Variants in DGKB observed in about 807,000 individuals in gnomAD.
DGKB encodes the protein diacylglycerol kinase beta.
Under a neutral mutation model 114.3 loss-of-function variants are expected in DGKB, and 67 were observed. The ratio of observed to expected loss-of-function variants is 0.59; its 90% confidence interval spans 0.48 to 0.72. The LOEUF (loss-of-function observed/expected upper bound fraction) is 0.72, where lower values mean the gene tolerates loss of function less well. DGKB is among the 30% of genes least tolerant of loss of function. The pLI is 0.00. For synonymous variants in DGKB, 398 were observed against 323.1 expected, an observed-to-expected ratio of 1.23 and a Z score of -2.49; for missense variants, 907 against 975.2, an observed-to-expected ratio of 0.93 and a Z score of 0.93.
chr7:14,617,057 A>G (rs1251862863), intron 15 of DGKB, among the ~76,000 whole-genome samples: 2 of 151,630 alleles, frequency 1.3e-5, no homozygotes, highest in African/African-American at 2.4e-5. Flanking sequence ...TTAGAGTTAG[A>G]CTGGTTTTGG....
intron 1 of DGKB, among the ~76,000 whole-genome samples, chr7:14,857,700 A>T (rs1990380): frequency 0.12 from 18,101 of 151,818 alleles, 2,109 homozygotes; most frequent in African/African-American, 0.29. Flanking sequence ...CCATGTTTCT[A>T]TTGGGATGCT....
At chr7:14,536,635 C>G (rs991584951) in intron 20 of DGKB, among the ~76,000 whole-genome samples, 2 of 152,092 alleles carry the variant, frequency 1.3e-5, no homozygotes, top group African/African-American at 4.8e-5. Context: ...CTAAACCACT[C>G]AACAAATTAG....
intron 13 of DGKB, among the ~76,000 whole-genome samples, chr7:14,636,354 C>A (rs1233947723): frequency 6.6e-6 from 1 of 151,662 alleles, no homozygotes; most frequent in Non-Finnish European, 1.5e-5. Flanking sequence ...CATTAGGAAA[C>A]AAGTCTCAAT....
chr7:14,911,354 G>C (rs562910806), intron 1 of DGKB, among the ~76,000 whole-genome samples: 2 of 152,148 alleles, frequency 1.3e-5, no homozygotes, highest in East Asian at 3.9e-4. Context: ...TGGTGTTGGA[G>C]TATAAGTGTT....
intron 21 of DGKB, among the ~76,000 whole-genome samples, chr7:14,438,383 A>G (rs904608074): frequency 6.6e-6 from 1 of 152,146 alleles, no homozygotes; most frequent in Non-Finnish European, 1.5e-5. Context: ...GAATCCACCG[A>G]AAACATTTTG....
intron 19 of DGKB, among the ~76,000 whole-genome samples, chr7:14,579,228 C>T (rs937610231): frequency 6.6e-6 from 1 of 152,140 alleles, no homozygotes; most frequent in South Asian, 2.1e-4. Context: ...TTTATTTCCT[C>T]ACTGTATATT....
At chr7:14,689,199 A>ATTTTTTTTATTTTTTTTTTT (rs1554599100) in intron 9 of DGKB, among the ~76,000 whole-genome samples, 11 of 76,564 alleles carry the variant, frequency 1.4e-4, no homozygotes, top group East Asian at 7.0e-4. Flanking sequence ...AACTCCTCTT[A>ATTTTTTTTATTTTTTTTTTT]TTTTTTTTTT....
At chr7:14,880,352 G>A (rs1854034725) in intron 1 of DGKB, among the ~76,000 whole-genome samples, 1 of 152,132 alleles carries the variant, frequency 6.6e-6, no homozygotes, top group Admixed American at 6.5e-5. Flanking sequence ...CAGCTACTCG[G>A]GAGGCTGAGG....
chr7:14,314,582 A>G lies in DGKB; in HGVS notation c.2122+23933T>C, dbSNP rs572019874. 8.0e-3 allele frequency among the ~76,000 whole-genome samples: 1,223 copies of G among 152,228 alleles called. 8 individuals are homozygous for G. The highest frequency in any genetic ancestry group is 0.013 in the Non-Finnish European group (891 of 68,022). Reference sequence around the variant, plus strand: ...TGAAGGGAGAAGGAAAGTTTAGAGAAAAAAGAATAAAAAGAAATGAGCAAA... The same window carrying G: ...TGAAGGGAGAAGGAAAGTTTAGAGAGAAAAGAATAAAAAGAAATGAGCAAA... On this transcript the variant is annotated intron_variant, in intron 23 of 25. Transcript: ENST00000402815.
At chr7:14,541,536 T>G (rs2128620054) in intron 20 of DGKB, among the ~76,000 whole-genome samples, 1 of 152,258 alleles carries the variant, frequency 6.6e-6, no homozygotes, top group African/African-American at 2.4e-5. Context: ...AAAAGTTAAT[T>G]TCTCTGTTTA....
Position 14,421,988 on chromosome 7 carries a change from A to G in DGKB, c.1835+56173T>C, listed in dbSNP as rs1348330381. Among the ~76,000 whole-genome samples, 5 of 152,012 alleles carry G rather than the reference A, an allele frequency of 3.3e-5. 1 individual carries two copies. In the East Asian group the frequency reaches 9.6e-4, roughly 29 times the overall value. The stretch of plus-strand genomic sequence containing the variant: ...CACTTCAGGCACTCCTTAGTATCCA[A>G]AAAAGCTATTACAGCCTTCTGGGAA... On this transcript the variant is annotated intron_variant, in intron 21 of 25. Transcript: ENST00000402815.
intron 23 of DGKB, among the ~76,000 whole-genome samples, chr7:14,229,368 T>A (rs952773421): frequency 6.6e-6 from 1 of 152,024 alleles, no homozygotes; most frequent in Admixed American, 6.6e-5. Context: ...GTATAGCATG[T>A]TACTTTACTG....
intron 23 of DGKB, among the ~76,000 whole-genome samples, chr7:14,251,778 G>T (rs2128392116): frequency 6.6e-6 from 1 of 151,974 alleles, no homozygotes; most frequent in East Asian, 1.9e-4. Context: ...CTTCTAGTTG[G>T]TCTGCTTTCT....
intron 23 of DGKB, among the ~76,000 whole-genome samples, chr7:14,215,269 A>G (rs10261339): frequency 0.071 from 10,829 of 152,154 alleles, 1,084 homozygotes; most frequent in African/African-American, 0.22. Context: ...ATAGGCATGC[A>G]TGTGAGTCAA....
intron 21 of DGKB, among the ~76,000 whole-genome samples, chr7:14,404,844 C>A (rs1823686712): frequency 6.6e-6 from 1 of 151,784 alleles, no homozygotes; most frequent in African/African-American, 2.4e-5. Flanking sequence ...TCGTTGGCTG[C>A]TCTTCTTCTA....
intron 21 of DGKB, among the ~76,000 whole-genome samples, chr7:14,393,455 T>G (rs1821743737): frequency 6.6e-6 from 1 of 152,202 alleles, no homozygotes; most frequent in African/African-American, 2.4e-5. Context: ...ATATTTTTAA[T>G]GTTATTAATG....
intron 2 of DGKB, among the ~76,000 whole-genome samples, chr7:14,785,518 A>G (rs981392113): frequency 6.6e-6 from 1 of 152,126 alleles, no homozygotes. Flanking sequence ...ATTAAATTAA[A>G]TTAAATTATA....
chr7:14,744,021 C>CT (rs1832919444), intron 4 of DGKB, among the ~76,000 whole-genome samples: 1 of 151,864 alleles, frequency 6.6e-6, no homozygotes, highest in Admixed American at 6.6e-5. Context: ...ATGGACTGAA[C>CT]TAATAGAAAA....
chr7:14,335,478 T>G (rs1458278366), intron 23 of DGKB, among the ~76,000 whole-genome samples: 2 of 152,152 alleles, frequency 1.3e-5, no homozygotes, highest in African/African-American at 4.8e-5. Context: ...TTCTGATAAT[T>G]TTTTACAGAG....
Sources: gnomAD v4.1 joint callset for allele counts (sites outside exome capture counted in the v4.1 genomes callset) on GRCh38, gnomAD v4.1.1 for gene constraint, MANE v1.5 for transcripts, NCBI Gene and HGNC (gene_info 2026-07-23, HGNC 2026-07-21) for gene names.